Variants in CCNJL observed in about 807,000 individuals in gnomAD.
CCNJL encodes cyclin-J-like protein.
CCNJL carries 33 observed loss-of-function variants against 33.4 expected under a neutral mutation model. The ratio of observed to expected loss-of-function variants is 0.99; its 90% CI spans 0.75 to 1.32. CCNJL has a LOEUF of 1.32. CCNJL is among the 40% of genes most tolerant of loss of function. CCNJL has a pLI of 0.00. For synonymous variants in CCNJL, 227 were observed against 220.9 expected (o/e 1.03, Z -0.24); for missense variants, 512 against 499.7 (o/e 1.02, Z -0.23).
intron 3 of CCNJL, among the ~76,000 whole-genome samples, chr5:160,262,572 T>C (rs1218659331): frequency 6.6e-6 from 1 of 152,198 alleles, no homozygotes; most frequent in African/African-American, 2.4e-5. Context: ...TGGAAAGTGC[T>C]TCACAAGCCC....
At chr5:160,324,327 C>A (rs1032687590) in intron 1 of CCNJL, among the ~76,000 whole-genome samples, 1 of 151,974 alleles carries the variant, frequency 6.6e-6, no homozygotes, top group Non-Finnish European at 1.5e-5. Context: ...AATCCCAGCA[C>A]TTTGGGAGGC....
At chr5:160,253,942 T>C (rs1177688060) in intron 5 of CCNJL, 144 bp from the exon 6 acceptor site, 2 of 583,478 alleles carry the variant, frequency 3.4e-6, no homozygotes, top group African/African-American at 3.7e-5. Context: ...GCTCACTGTG[T>C]GTGGCACCGC....
chr5:160,271,891 A>G (rs1276885145), intron 3 of CCNJL, among the ~76,000 whole-genome samples: 1 of 152,226 alleles, frequency 6.6e-6, no homozygotes, highest in African/African-American at 2.4e-5. Context: ...CCACTCTTGC[A>G]TGAGATGTAG....
chr5:160,311,730 A>C, intron 2 of CCNJL, 128 bp downstream of exon 2: 1 of 791,570 alleles, frequency 1.3e-6, no homozygotes, highest in East Asian at 2.6e-5. Flanking sequence ...GGGAGAAGGT[A>C]AAGGGTAAGA....
chr5:160,254,619 A>G, intron 5 of CCNJL: 1 of 332,516 alleles, frequency 3.0e-6, no homozygotes, highest in Non-Finnish European at 5.4e-6. Context: ...CAGTCAGGCC[A>G]GCACCCAGGA....
In CCNJL at chr5:160,308,637, A is replaced by C. The variant is rs533371305; in HGVS notation, c.66+3221T>G. 2.0e-5 allele frequency among the ~76,000 whole-genome samples: 3 copies of C among 152,322 alleles called. No homozygotes were observed. The East Asian group carries it at 5.8e-4, about 29-fold the overall frequency. ...GCTGGGTGTGGTGGCACATGCCTGT[A>C]ATCCCAGCTACTCAGGAGGCTGAGG... On this transcript the variant is annotated intron_variant, in intron 2 of 5. Coordinates refer to ENST00000257536, the MANE Select transcript of CCNJL (RefSeq NM_001308173.3).
At chr5:160,309,449 A>G (rs1239262581) in intron 2 of CCNJL, among the ~76,000 whole-genome samples, 3 of 152,246 alleles carry the variant, frequency 2.0e-5, no homozygotes, top group African/African-American at 7.2e-5. Context: ...ATATGTAAAC[A>G]TGCTTTGTAT....
chr5:160,304,948 G>T (rs148392769), intron 2 of CCNJL, among the ~76,000 whole-genome samples: 7 of 151,964 alleles, frequency 4.6e-5, no homozygotes, highest in Non-Finnish European at 7.4e-5. Context: ...TGAGTAGCTG[G>T]GACTACAGGT....
At chr5:160,272,102 T>G (rs1370104038) in intron 3 of CCNJL, among the ~76,000 whole-genome samples, 1 of 152,190 alleles carries the variant, frequency 6.6e-6, no homozygotes, top group Non-Finnish European at 1.5e-5. Flanking sequence ...GGAGAGCTGA[T>G]GTATTTAACT....
chr5:160,262,646 A>C (rs1028825463), intron 3 of CCNJL, among the ~76,000 whole-genome samples: 1 of 152,318 alleles, frequency 6.6e-6, no homozygotes, highest in East Asian at 1.9e-4. Flanking sequence ...GGAACCTTCT[A>C]GGTAGGTTCT....
chr5:160,327,132 AAG>A (rs985244691), intron 1 of CCNJL, among the ~76,000 whole-genome samples: 5 of 152,094 alleles, frequency 3.3e-5, no homozygotes, highest in African/African-American at 1.2e-4. Context: ...AAAAAAAAAA[AAG>A]CTCAAAGTCT....
intron 1 of CCNJL, among the ~76,000 whole-genome samples, chr5:160,322,723 T>C (rs944753170): frequency 1.3e-5 from 2 of 149,880 alleles, no homozygotes; most frequent in African/African-American, 4.9e-5. Context: ...CTGGCCAATA[T>C]GGTGAAACCC....
At chr5:160,329,961 G>A (rs761532140) in intron 1 of CCNJL, among the ~76,000 whole-genome samples, 1 of 152,134 alleles carries the variant, frequency 6.6e-6, no homozygotes, top group Non-Finnish European at 1.5e-5. Flanking sequence ...CTCCTGGCAA[G>A]ACCCCCACCC....
rs561705951 is a variant in CCNJL, at chr5:160,278,623, G to A, written c.280+1902C>T. On this transcript the variant is annotated intron_variant, in intron 3 of 5. Transcript: ENST00000257536. ...GGGCGTCTGCCTCTCTGTCTGAAAC[G>A]TCCCCTCTCTCCGCCAAGGTGGCAG... is the stretch of plus-strand genomic sequence containing the variant. Among the ~76,000 whole-genome samples, 9 of 152,274 alleles carry A rather than the reference G, an allele frequency of 5.9e-5. No individual in the cohort carries two copies. In the East Asian group the frequency reaches 1.2e-3, roughly 20 times the overall value.
rs903728901 is a variant in CCNJL, at chr5:160,250,134, C to G, written c.*3244G>C. 6.6e-6 allele frequency: 1 copy of G among 152,160 alleles called. No homozygotes were observed. Among genetic ancestry groups the G allele is most frequent in the African/African-American group, 2.4e-5 (1 of 41,426 alleles). 9.4% of individuals were successfully genotyped at this position (152,160 alleles called of 1,614,324 possible). A position where few individuals can be genotyped will look rare whatever the true frequency, so the allele number is the denominator to read the frequency against. On this transcript the variant is annotated 3_prime_UTR_variant, in exon 6 of 6. Coordinates refer to ENST00000257536, the MANE Select transcript of CCNJL (RefSeq NM_001308173.3). ...AAGGGTGGAAGAAATACAAGTGGAT[C>G]CCTCTGGCTGAAGGCCACAGAGGTC...
intron 1 of CCNJL, among the ~76,000 whole-genome samples, chr5:160,327,890 AC>A (rs148735279): frequency 0.029 from 4,385 of 151,978 alleles, 195 homozygotes; most frequent in African/African-American, 0.098. Context: ...AAACAAAAAA[AC>A]AATACAAAAA....
At chr5:160,311,998 G>T in intron 1 of CCNJL, 26 bp from the exon 2 acceptor site, 1 of 1,439,180 alleles carries the variant, frequency 6.9e-7, no homozygotes, top group Non-Finnish European at 9.8e-7. Flanking sequence ...CAACTTCAGC[G>T]GCCAGAGCGT....
chr5:160,303,299 G>A (rs762441512), intron 2 of CCNJL, among the ~76,000 whole-genome samples: 3 of 152,036 alleles, frequency 2.0e-5, no homozygotes, highest in Non-Finnish European at 4.4e-5. Flanking sequence ...TCCGTCTCCC[G>A]GGTTCAAGCG....
At chr5:160,289,060 G>A (rs940110963) in intron 2 of CCNJL, among the ~76,000 whole-genome samples, 1 of 152,100 alleles carries the variant, frequency 6.6e-6, no homozygotes, top group South Asian at 2.1e-4. Flanking sequence ...GTGCCATGAC[G>A]TCATCAAACC....
Sources: gnomAD v4.1 joint callset for allele counts (sites outside exome capture counted in the v4.1 genomes callset) on GRCh38, gnomAD v4.1.1 for gene constraint, MANE v1.5 for transcripts, NCBI Gene and HGNC (gene_info 2026-07-23, HGNC 2026-07-21) for gene names.